Variants in PAPPA2 observed in about 807,000 individuals in gnomAD.
The protein encoded by PAPPA2 is pappalysin 2, also known as pappalysin-2.
PAPPA2 carries 86 observed loss-of-function variants against 176.4 expected under a neutral mutation model. The ratio of observed to expected loss-of-function variants is 0.49; its 90% confidence interval spans 0.41 to 0.58. PAPPA2 has a LOEUF of 0.58. Among genes scored for constraint, PAPPA2 ranks in the 20% least tolerant of loss-of-function variants. The pLI is 0.00. For missense variants in PAPPA2, 2,073 were observed against 2,256.9 expected (o/e 0.92, Z 1.65); for synonymous variants, 809 against 852.2 (o/e 0.95, Z 0.88).
intron 3 of PAPPA2, among the ~76,000 whole-genome samples, chr1:176,667,199 T>TCACGC (rs1658709991): frequency 6.7e-6 from 1 of 148,972 alleles, no homozygotes; most frequent in Admixed American, 6.7e-5. Context: ...TGAGCTGAGA[T>TCACGC]CACGCCACTG....
rs182013050 is a variant in PAPPA2 at position 176,738,164 on chromosome 1, C to T, written c.3799-1462C>T. 2.6e-3 allele frequency among the ~76,000 whole-genome samples: 398 copies of T among 152,132 alleles called. 11 individuals carry two copies. Among genetic ancestry groups the T allele is most frequent in the Non-Finnish European group, 6.9e-4 (47 of 67,994 alleles). On this transcript the variant is annotated intron_variant, in intron 12 of 22. Transcript: ENST00000367662. ...GTTTCATGTCTAGCCCTCATCCAGACAGGGACAAAGGACTTCATATGGCAA... is the reference window on the plus strand; with the variant it reads ...GTTTCATGTCTAGCCCTCATCCAGATAGGGACAAAGGACTTCATATGGCAA...
At chr1:176,575,578 C>A (rs1194223988) in intron 2 of PAPPA2, among the ~76,000 whole-genome samples, 1 of 152,256 alleles carries the variant, frequency 6.6e-6, no homozygotes, top group South Asian at 2.1e-4. Flanking sequence ...TTTGTATATT[C>A]AACAAGTATT....
intron 14 of PAPPA2, among the ~76,000 whole-genome samples, chr1:176,756,550 T>C (rs1239550098): frequency 1.3e-5 from 2 of 152,196 alleles, no homozygotes; most frequent in East Asian, 3.8e-4. Flanking sequence ...TTGAATTGCT[T>C]TTGTTCTTTC....
intron 1 of PAPPA2, among the ~76,000 whole-genome samples, chr1:176,511,248 A>G (rs1360713781): frequency 6.6e-6 from 1 of 152,196 alleles, no homozygotes; most frequent in Non-Finnish European, 1.5e-5. Flanking sequence ...ATCAGAAAAA[A>G]GGACTTTTCA....
chr1:176,735,527 G>T (rs1308710098), intron 12 of PAPPA2, among the ~76,000 whole-genome samples: 1 of 152,040 alleles, frequency 6.6e-6, no homozygotes, highest in Non-Finnish European at 1.5e-5. Flanking sequence ...ATTGAAGGGG[G>T]ATTTCTTAAG....
At chr1:176,588,099 T>A (rs1272111032) in intron 2 of PAPPA2, among the ~76,000 whole-genome samples, 1 of 152,214 alleles carries the variant, frequency 6.6e-6, no homozygotes, top group African/African-American at 2.4e-5. Flanking sequence ...AGCAGTGGTT[T>A]GTAGTTCTTC....
At chr1:176,565,299 A>G (rs562742589) in intron 2 of PAPPA2, among the ~76,000 whole-genome samples, 3 of 152,274 alleles carry the variant, frequency 2.0e-5, no homozygotes, top group African/African-American at 7.2e-5. Context: ...TGGTTGCTAT[A>G]TATTTAACAT....
Position 176,706,353 on chromosome 1 carries a change from C to G in PAPPA2, c.3366-6C>G, listed in dbSNP as rs767894783. The stretch of plus-strand genomic sequence containing the variant: ...GTTATATATGCATATATATTTTACC[C>G]TCTAGGAGACTGGGAGAAGAGTGTG... On this transcript the variant is annotated splice_region_variant and splice_polypyrimidine_tract_variant and intron_variant, in intron 9 of 22. Transcript: ENST00000367662. 6 of 1,612,728 alleles carry G rather than the reference C, an allele frequency of 3.7e-6. No homozygotes were observed. Among genetic ancestry groups the G allele is most frequent in the South Asian group, 3.3e-5 (3 of 91,040 alleles).
intron 14 of PAPPA2, among the ~76,000 whole-genome samples, chr1:176,765,203 C>A (rs1392244095): frequency 6.6e-6 from 1 of 152,176 alleles, no homozygotes; most frequent in Non-Finnish European, 1.5e-5. Context: ...CAGACATGGC[C>A]TTCTGTGTCA....
intron 1 of PAPPA2, among the ~76,000 whole-genome samples, chr1:176,498,050 G>A (rs193164243): frequency 1.2e-3 from 177 of 152,202 alleles, no homozygotes; most frequent in African/African-American, 4.0e-3. Flanking sequence ...AATTGTCTAG[G>A]CCTCTTTTAA....
intron 12 of PAPPA2, among the ~76,000 whole-genome samples, chr1:176,730,396 G>A (rs1380935411): frequency 6.6e-6 from 1 of 151,660 alleles, no homozygotes; most frequent in Admixed American, 6.6e-5. Flanking sequence ...ATTTAGTGCT[G>A]ATATTTGTTC....
chr1:176,559,939 A>T (rs1051160623), intron 2 of PAPPA2, among the ~76,000 whole-genome samples: 1 of 152,184 alleles, frequency 6.6e-6, no homozygotes, highest in African/African-American at 2.4e-5. Flanking sequence ...TTTACAGAGG[A>T]ACATTCCCCT....
intron 2 of PAPPA2, among the ~76,000 whole-genome samples, chr1:176,589,204 C>G (rs1653504200): frequency 6.6e-6 from 1 of 152,016 alleles, no homozygotes. Flanking sequence ...TTTTCAGAGT[C>G]TCTTTGGAGG....
At chr1:176,791,084 C>G (rs1665153761) in intron 18 of PAPPA2, among the ~76,000 whole-genome samples, 1 of 150,804 alleles carries the variant, frequency 6.6e-6, no homozygotes, top group African/African-American at 2.4e-5. Context: ...TGATTGTGTT[C>G]CTATATATAA....
At chr1:176,690,642 A>G (rs1660075692) in intron 5 of PAPPA2, 2 of 1,370,504 alleles carry the variant, frequency 1.5e-6, no homozygotes, top group Non-Finnish European at 1.9e-6. Flanking sequence ...TGTTCACTGA[A>G]TTCTCCTCTA....
intron 11 of PAPPA2, 134 bp downstream of exon 11, chr1:176,710,310 TG>T: frequency 1.2e-5 from 9 of 762,588 alleles, no homozygotes; most frequent in Non-Finnish European, 1.9e-5. Context: ...GGAACATTAC[TG>T]GATCTGCCAG....
At chr1:176,470,006 C>G (rs563748775) in intron 1 of PAPPA2, among the ~76,000 whole-genome samples, 243 of 152,198 alleles carry the variant, frequency 1.6e-3, no homozygotes, top group Middle Eastern at 3.4e-3. Flanking sequence ...TTTATGGGGT[C>G]GAGGAAGGGA....
At position 176,816,241 on chromosome 1, in the gene PAPPA2, G is replaced by GTATATATATA. The variant is rs3039819; in HGVS notation, c.5202+16115_5202+16124dup. ...ATATAAAATTTATGTGTGTGTGTGTGTATATATATATATATGTATGTATGT... is the reference window on the plus strand; with the variant it reads ...ATATAAAATTTATGTGTGTGTGTGTGTATATATATATATATATATATATATGTATGTATGT... On this transcript the variant is annotated intron_variant, in intron 21 of 22. Coordinates refer to ENST00000367662, the MANE Select transcript of PAPPA2 (RefSeq NM_020318.3). 2.1e-3 allele frequency among the ~76,000 whole-genome samples: 239 copies of GTATATATATA among 113,508 alleles called. 1 individual carries two copies. Among genetic ancestry groups the GTATATATATA allele is most frequent in the African/African-American group, 6.9e-3 (177 of 25,650 alleles). 74.5% of individuals were successfully genotyped at this position (113,508 alleles called of 152,430 possible). A position where few individuals can be genotyped will look rare whatever the true frequency, so the allele number is the denominator to read the frequency against.
At chr1:176,729,910 G>A (rs1343031275) in intron 12 of PAPPA2, among the ~76,000 whole-genome samples, 1 of 151,772 alleles carries the variant, frequency 6.6e-6, no homozygotes, top group Non-Finnish European at 1.5e-5. Context: ...TAATTGATAT[G>A]AACTTGTGAT....
Sources: allele counts gnomAD v4.1 joint callset (sites outside exome capture counted in the v4.1 genomes callset), GRCh38; gene constraint gnomAD v4.1.1; transcripts MANE v1.5; gene names NCBI Gene and HGNC (gene_info 2026-07-23, HGNC 2026-07-21).